KCNC1: variants seen among roughly 807,000 people sequenced by gnomAD.
The protein encoded by KCNC1 is potassium voltage-gated channel subfamily C member 1.
In KCNC1, 8 loss-of-function variants were observed where a neutral mutation model predicts 43.4. That is an observed-to-expected ratio of 0.18 (90% CI 0.11 to 0.33). The LOEUF is 0.33. Ranked by LOEUF, KCNC1 falls within the 10% of genes least tolerant of loss-of-function variation. The pLI, the probability that KCNC1 is intolerant of heterozygous loss-of-function variation, is 1.00. For missense variants in KCNC1, 420 were observed against 836.0 expected, an observed-to-expected ratio of 0.50 and a Z score of 6.14; for synonymous variants, 361 against 360.5, an observed-to-expected ratio of 1.00 and a Z score of -0.01.
rs901498636 is a variant in KCNC1, at chr11:17,777,183, C to T, written c.1505-2273C>T. On this transcript the variant is annotated intron_variant, in intron 2 of 3. Transcript: ENST00000265969. This position sits in a 1 kb window ranked among gnomAD's most constrained non-coding sequence, Gnocchi z 4.3. ...TGGACAGAACCAGTGGGCGGGGGCCCAGCATTCAGAGCCAGAGAAGGGTCT... is the reference window on the plus strand; with the variant it reads ...TGGACAGAACCAGTGGGCGGGGGCCTAGCATTCAGAGCCAGAGAAGGGTCT... 5.1e-6 allele frequency: 5 copies of T among 985,500 alleles called. No individual in the cohort carries two copies. The highest frequency in any genetic ancestry group is 2.3e-4 in the East Asian group (2 of 8,758). 61.0% of individuals were successfully genotyped at this position (985,500 alleles called of 1,614,324 possible). A position where few individuals can be genotyped will look rare whatever the true frequency, so the allele number is the denominator to read the frequency against.
chr11:17,778,241 C>T (rs957064523), intron 2 of KCNC1, among the ~76,000 whole-genome samples: 3 of 152,210 alleles, frequency 2.0e-5, no homozygotes, highest in East Asian at 1.9e-4. Context: ...GAGGCTTCCA[C>T]GGCTCTGCTC....
intron 1 of KCNC1, among the ~76,000 whole-genome samples, chr11:17,737,359 CGGTCCTTAAG>C (rs1221802988): frequency 6.6e-5 from 10 of 151,804 alleles, no homozygotes; most frequent in African/African-American, 1.9e-4. Flanking sequence ...GAGAGGGGGT[CGGTCCTTAAG>C]GGTCCTTAAG....
At position 17,736,649 on chromosome 11, in the gene KCNC1, C is replaced by T. The variant is rs993821132; in HGVS notation, c.570+77C>T. On this transcript the variant is annotated intron_variant, in intron 1 of 3. Coordinates refer to ENST00000265969, the MANE Select transcript of KCNC1 (RefSeq NM_001112741.2). The surrounding 1 kb of genome is among the most constrained non-coding windows in gnomAD (Gnocchi z 9.3). ...TGCCTCCCCGCGGGCAGGGGTGGAC[C>T]GGAGAACTGGCGCCTAGGGAGTTCA... 8 of 1,441,118 alleles carry T rather than the reference C, an allele frequency of 5.6e-6. No homozygotes were observed. Among genetic ancestry groups the T allele is most frequent in the African/African-American group, 2.9e-5 (2 of 69,434 alleles). The allele number at this position is 1,441,118 out of a possible 1,614,324, so 89.3% of individuals were successfully genotyped here.
intron 1 of KCNC1, among the ~76,000 whole-genome samples, chr11:17,762,400 C>T (rs1849087860): frequency 6.6e-6 from 1 of 152,198 alleles, no homozygotes; most frequent in African/African-American, 2.4e-5. Context: ...TGTGGAGGCT[C>T]AGCGGTGTGT....
chr11:17,735,905 G>T lies in KCNC1; in HGVS notation c.-98G>T. 7.6e-7 allele frequency: 1 copy of T among 1,322,892 alleles called. No homozygotes were observed. 81.9% of individuals were successfully genotyped at this position (1,322,892 alleles called of 1,614,324 possible). A position where few individuals can be genotyped will look rare whatever the true frequency, so the allele number is the denominator to read the frequency against. On this transcript the variant is annotated 5_prime_UTR_variant, in exon 1 of 4. Coordinates refer to ENST00000265969, the MANE Select transcript of KCNC1 (RefSeq NM_001112741.2). The surrounding 1 kb of genome is among the most constrained non-coding windows in gnomAD (Gnocchi z 6.7). ...TTCCCCCCGACGGCTGGGGGGAGGG[G>T]GGAAGAGGGCGCGCGCCCCCCTCCC...
intron 1 of KCNC1, among the ~76,000 whole-genome samples, chr11:17,764,795 C>T (rs1172522468): frequency 6.9e-6 from 1 of 145,958 alleles, no homozygotes; most frequent in East Asian, 2.3e-4. Flanking sequence ...TCCCTCCCAT[C>T]CCCCAGCCGG....
At position 17,735,409 on chromosome 11, in the gene KCNC1, G is replaced by A. The variant is rs1174608682; in HGVS notation, c.-594G>A. 6.6e-6 allele frequency: 1 copy of A among 152,028 alleles called. No individual in the cohort carries two copies. The highest frequency in any genetic ancestry group is 2.4e-5 in the African/African-American group (1 of 41,424). 9.4% of individuals were successfully genotyped at this position (152,028 alleles called of 1,614,324 possible). ...CCCGGCCACGCAGGGAGGAAGGCAG[G>A]CGGCATCCATCTCCCCCGCGCCGAG... On this transcript the variant is annotated 5_prime_UTR_variant, in exon 1 of 4. Coordinates refer to ENST00000265969, the MANE Select transcript of KCNC1 (RefSeq NM_001112741.2). The surrounding 1 kb of genome is among the most constrained non-coding windows in gnomAD (Gnocchi z 6.7).
At position 17,772,159 on chromosome 11, in the gene KCNC1, C is replaced by T. The variant is rs533816804; in HGVS notation, c.1065C>T (p.Gly355=). The T allele has an allele frequency of 1.0e-4, 168 of 1,613,918 alleles. No individual in the cohort carries two copies. Among genetic ancestry groups the T allele is most frequent in the African/African-American group, 1.7e-4 (13 of 74,926 alleles). The part of the protein sequence containing the change: ...FLLLIIFLAL[G]VLIFATMIYY... Reference sequence around the variant, plus strand: ...TGCTCATCATCTTCCTGGCCTTGGGCGTGCTGATCTTCGCCACCATGATCT... The same window carrying T: ...TGCTCATCATCTTCCTGGCCTTGGGTGTGCTGATCTTCGCCACCATGATCT... Residue 355 remains glycine, a synonymous_variant, in exon 2 of 4, where the codon GGC becomes GGT. Coordinates refer to ENST00000265969, the MANE Select transcript of KCNC1 (RefSeq NM_001112741.2).
At position 17,772,071 on chromosome 11, in the gene KCNC1, G is replaced by A; in HGVS notation, c.977G>A (p.Arg326His). The stretch of plus-strand genomic sequence containing the variant: ...ATCTTGCGCATCTTTAAGCTGACCC[G>A]CCACTTTGTGGGCCTGCGGGTCCTG... ...VRILRIFKLT[R>H]HFVGLRVLGH... The change falls in exon 2 of 4, where the codon CGC (arginine) becomes CAC (histidine). Residue 326 changes from arginine to histidine, a missense_variant. Physicochemically the swap from Arg to His is conservative, Grantham distance 29. Around this residue, in one of 5 missense-constraint regions of KCNC1, gnomAD observed 58 missense variants for 256.9 expected, o/e 0.23. Coordinates refer to ENST00000265969, the MANE Select transcript of KCNC1 (RefSeq NM_001112741.2). The A allele has an allele frequency of 6.2e-7, 1 of 1,613,050 alleles. No homozygotes were observed. Among genetic ancestry groups the A allele is most frequent in the Non-Finnish European group, 8.5e-7 (1 of 1,179,780 alleles).
At chr11:17,750,943 C>A (rs1271087549) in intron 1 of KCNC1, among the ~76,000 whole-genome samples, 1 of 152,222 alleles carries the variant, frequency 6.6e-6, no homozygotes, top group Non-Finnish European at 1.5e-5. Context: ...TCAACCACAA[C>A]CTCTTGGAGG....
intron 1 of KCNC1, among the ~76,000 whole-genome samples, chr11:17,755,683 G>A (rs1849015628): frequency 6.6e-6 from 1 of 152,180 alleles, no homozygotes; most frequent in African/African-American, 2.4e-5. Context: ...AGGCTGCAGG[G>A]GGTGGGGGTG....
rs1277344022 is a variant in KCNC1 at position 17,734,808 on chromosome 11, G to C, written c.-1195G>C. The C allele has an allele frequency of 7.9e-5, 12 of 151,478 alleles. No individual in the cohort carries two copies. The East Asian group carries it at 2.3e-3, about 29-fold the overall frequency. The allele number at this position is 151,478 out of a possible 1,614,324, so 9.4% of individuals were successfully genotyped here. ...CCGCGCGAACGAGCAGGCGACGGGC[G>C]AGCAGCAAGCGGAGCAGCAGCCCGG... On this transcript the variant is annotated 5_prime_UTR_variant, in exon 1 of 4. Coordinates refer to ENST00000265969, the MANE Select transcript of KCNC1 (RefSeq NM_001112741.2).
chr11:17,751,628 G>C (rs572576066), intron 1 of KCNC1, among the ~76,000 whole-genome samples: 1 of 152,284 alleles, frequency 6.6e-6, no homozygotes, highest in Admixed American at 6.5e-5. Context: ...TGGGAGCTGG[G>C]GACAGAGACT....
chr11:17,745,792 C>A (rs1168886426), intron 1 of KCNC1, among the ~76,000 whole-genome samples: 2 of 152,202 alleles, frequency 1.3e-5, no homozygotes, highest in Admixed American at 6.5e-5. Flanking sequence ...TCTCACACCC[C>A]CTCCAGGTCT....
In KCNC1 at chr11:17,779,701, GA is replaced by G; in HGVS notation, c.1693+58del. ...GTCCGGGCCGCCTCGCGCTCCTGCA[GA>G]TGGGTGGGCAGGGCGGCGGGCAAGG... On this transcript the variant is annotated intron_variant, in intron 3 of 3. Coordinates refer to ENST00000265969, the MANE Select transcript of KCNC1 (RefSeq NM_001112741.2). This position sits in a 1 kb window ranked among gnomAD's most constrained non-coding sequence, Gnocchi z 7.2. 1 of 1,358,570 alleles carries G rather than the reference GA, an allele frequency of 7.4e-7. No homozygotes were observed. Among genetic ancestry groups the G allele is most frequent in the Non-Finnish European group, 9.6e-7 (1 of 1,037,762 alleles). The allele number at this position is 1,358,570 out of a possible 1,614,324, so 84.2% of individuals were successfully genotyped here.
At chr11:17,764,326 T>G (rs1207703868) in intron 1 of KCNC1, among the ~76,000 whole-genome samples, 1 of 148,298 alleles carries the variant, frequency 6.7e-6, no homozygotes, top group Non-Finnish European at 1.5e-5. Flanking sequence ...CATACACACA[T>G]GCAAACACTC....
chr11:17,771,014 A>G lies in KCNC1; in HGVS notation c.571-651A>G, dbSNP rs1243040977. Among the ~76,000 whole-genome samples, 3 of 152,162 alleles carry G rather than the reference A, an allele frequency of 2.0e-5. No individual in the cohort carries two copies. Among genetic ancestry groups the G allele is most frequent in the Non-Finnish European group, 2.9e-5 (2 of 67,998 alleles). ...TTGTGGTGCAAGTTCCTAGGAAGAC[A>G]GAGAGAGGGGGTACATTTTAAAAAG... On this transcript the variant is annotated intron_variant, in intron 1 of 3. Transcript: ENST00000265969. This position sits in a 1 kb window ranked among gnomAD's most constrained non-coding sequence, Gnocchi z 4.7.
chr11:17,753,246 G>A (rs1330419098), intron 1 of KCNC1, among the ~76,000 whole-genome samples: 1 of 152,246 alleles, frequency 6.6e-6, no homozygotes, highest in Non-Finnish European at 1.5e-5. Flanking sequence ...ATGCCAGTCA[G>A]TAGTCAGTGG....
chr11:17,777,064 G>A lies in KCNC1; in HGVS notation c.1505-2392G>A. Reference sequence around the variant, plus strand: ...GGCTATCATCCCTCCAGGGATCCCTGATGGATGTTCCTTGTCCCCTGCCCA... The same window carrying A: ...GGCTATCATCCCTCCAGGGATCCCTAATGGATGTTCCTTGTCCCCTGCCCA... On this transcript the variant is annotated intron_variant, in intron 2 of 3. Transcript: ENST00000265969. This position sits in a 1 kb window ranked among gnomAD's most constrained non-coding sequence, Gnocchi z 4.3. 1 of 985,238 alleles carries A rather than the reference G, an allele frequency of 1.0e-6. No homozygotes were observed. Among genetic ancestry groups the A allele is most frequent in the Non-Finnish European group, 1.2e-6 (1 of 829,908 alleles). 61.0% of individuals were successfully genotyped at this position (985,238 alleles called of 1,614,324 possible). A position where few individuals can be genotyped will look rare whatever the true frequency, so the allele number is the denominator to read the frequency against.
Sources: allele counts gnomAD v4.1 joint callset (sites outside exome capture counted in the v4.1 genomes callset), GRCh38; gene constraint gnomAD v4.1.1; regional missense constraint gnomAD v4.1.1; non-coding constraint Gnocchi (gnomAD v3.1); transcripts MANE v1.5; gene names NCBI Gene and HGNC (gene_info 2026-07-23, HGNC 2026-07-21).